HIF1AN: variants seen among roughly 807,000 people sequenced by gnomAD.
HIF1AN encodes hypoxia inducible factor 1 subunit alpha inhibitor, also known as hypoxia-inducible factor 1-alpha inhibitor.
HIF1AN carries 21 observed loss-of-function variants against 47.7 expected under a neutral mutation model. The observed-to-expected ratio is 0.44, with a 90% CI of 0.31 to 0.63. The LOEUF is 0.63. HIF1AN is among the 30% of genes least tolerant of loss of function. The pLI is 0.07. For synonymous variants in HIF1AN, 152 were observed against 155.9 expected (o/e 0.98, Z 0.18); for missense variants, 320 against 432.7 (o/e 0.74, Z 2.31).
At position 100,545,792 on chromosome 10, in the gene HIF1AN, C is replaced by T. The variant is rs1039382933; in HGVS notation, c.724-151C>T. The stretch of plus-strand genomic sequence containing the variant: ...TCTCAGGGTTTAATGTGCATTATAT[C>T]TTCTGCTGGATATAAATTCCAAATA... On this transcript the variant is annotated intron_variant, in intron 4 of 7. Transcript: ENST00000299163. 6 of 619,164 alleles carry T rather than the reference C, an allele frequency of 9.7e-6. No individual in the cohort carries two copies. In the Admixed American group the frequency reaches 1.4e-4, roughly 15 times the overall value. 38.4% of individuals were successfully genotyped at this position (619,164 alleles called of 1,614,324 possible). A position where few individuals can be genotyped will look rare whatever the true frequency, so the allele number is the denominator to read the frequency against.
At chr10:100,536,304 A>G (rs2295779) in intron 1 of HIF1AN, 107 bp from the exon 2 acceptor site, 303,351 of 1,414,210 alleles carry the variant, frequency 0.21, 33,500 homozygotes, top group South Asian at 0.23. Context: ...GCTGATTAAC[A>G]GGAGAAATTA....
At chr10:100,539,141 A>G (rs1415230195) in intron 2 of HIF1AN, among the ~76,000 whole-genome samples, 1 of 152,138 alleles carries the variant, frequency 6.6e-6, no homozygotes, top group African/African-American at 2.4e-5. Context: ...CATGTTGCCC[A>G]GGCTGGTCTC....
chr10:100,550,319 T>A lies in HIF1AN; in HGVS notation c.*2182T>A, dbSNP rs1453660357. The stretch of plus-strand genomic sequence containing the variant: ...TGGGTAACACAAGAGTGATTCCTGA[T>A]TTTTAGACACCTAATATGTGCCTAG... On this transcript the variant is annotated 3_prime_UTR_variant, in exon 8 of 8. Transcript: ENST00000299163. 1 of 152,322 alleles carries A rather than the reference T, an allele frequency of 6.6e-6. No homozygotes were observed. Among genetic ancestry groups the A allele is most frequent in the East Asian group, 1.9e-4 (1 of 5,184 alleles). The allele number at this position is 152,322 out of a possible 1,614,324, so 9.4% of individuals were successfully genotyped here. A position where few individuals can be genotyped will look rare whatever the true frequency, so the allele number is the denominator to read the frequency against.
At position 100,550,997 on chromosome 10, in the gene HIF1AN, T is replaced by C. The variant is rs1843152738; in HGVS notation, c.*2860T>C. 1 of 152,280 alleles carries C rather than the reference T, an allele frequency of 6.6e-6. No homozygotes were observed. Among genetic ancestry groups the C allele is most frequent in the Non-Finnish European group, 1.5e-5 (1 of 68,070 alleles). The allele number at this position is 152,280 out of a possible 1,614,324, so 9.4% of individuals were successfully genotyped here. ...TAGCTGGCAGTGTGGGACACACACA[T>C]ACAGCAAGTGAAGGTGGGGGTTTGG... On this transcript the variant is annotated 3_prime_UTR_variant, in exon 8 of 8. Coordinates refer to ENST00000299163, the MANE Select transcript of HIF1AN (RefSeq NM_017902.3).
Position 100,536,536 on chromosome 10 carries a change from G to A in HIF1AN, c.303G>A (p.Leu101=). Residue 101 remains leucine, a synonymous_variant, in exon 2 of 8, where the codon TTG becomes TTA. Coordinates refer to ENST00000299163, the MANE Select transcript of HIF1AN (RefSeq NM_017902.3). ...ACAGTGCCAGCACCCACAAGTTCTT[G>A]TACTATGATGAGAAGAAGATGGCCA... ...SVYSASTHKF[L]YYDEKKMANF... 6.2e-7 allele frequency: 1 copy of A among 1,614,156 alleles called. No individual in the cohort carries two copies.
At chr10:100,547,301 C>A in intron 7 of HIF1AN, 51 bp downstream of exon 7, 1 of 1,112,100 alleles carries the variant, frequency 9.0e-7, no homozygotes, top group Non-Finnish European at 1.4e-6. Flanking sequence ...CAAGGAAAGT[C>A]AGGATCAGAG....
chr10:100,548,467 C>A lies in HIF1AN; in HGVS notation c.*330C>A. ...TAGTCTGTCAACTTCGGAATGTGTG[C>A]GTGTGTGTGCATGCACACGCATGTA... is the stretch of plus-strand genomic sequence containing the variant. On this transcript the variant is annotated 3_prime_UTR_variant, in exon 8 of 8. Coordinates refer to ENST00000299163, the MANE Select transcript of HIF1AN (RefSeq NM_017902.3). 1 of 287,156 alleles carries A rather than the reference C, an allele frequency of 3.5e-6. No homozygotes were observed. The highest frequency in any genetic ancestry group is 8.8e-5 in the South Asian group (1 of 11,356). 17.8% of individuals were successfully genotyped at this position (287,156 alleles called of 1,614,324 possible). A position where few individuals can be genotyped will look rare whatever the true frequency, so the allele number is the denominator to read the frequency against.
chr10:100,544,697 G>A lies in HIF1AN; in HGVS notation c.578-254G>A, dbSNP rs17113201. Reference sequence around the variant, plus strand: ...GCTCTTGCTTCCAGTAAGGGCAGCAGCCTTCATTTAGGGAAGTTGACTTAG... The same window carrying A: ...GCTCTTGCTTCCAGTAAGGGCAGCAACCTTCATTTAGGGAAGTTGACTTAG... On this transcript the variant is annotated intron_variant, in intron 3 of 7. Coordinates refer to ENST00000299163, the MANE Select transcript of HIF1AN (RefSeq NM_017902.3). Among the ~76,000 whole-genome samples the A allele has an allele frequency of 6.6e-3, 1,003 of 152,320 alleles. 12 individuals are homozygous for A. The highest frequency in any genetic ancestry group is 0.022 in the African/African-American group (933 of 41,556).
At position 100,559,259 on chromosome 10, in the gene HIF1AN, A is replaced by G. The variant is rs1238065249; in HGVS notation, c.*11122A>G. On this transcript the variant is annotated 3_prime_UTR_variant, in exon 8 of 8. Transcript: ENST00000299163. ...GTACTTAAGGAAATCAAATACATTAATCATATAAATGCCATTTAAGTGTTT... is the reference window on the plus strand; with the variant it reads ...GTACTTAAGGAAATCAAATACATTAGTCATATAAATGCCATTTAAGTGTTT... 2 of 152,220 alleles carry G rather than the reference A, an allele frequency of 1.3e-5. No individual in the cohort carries two copies. Among genetic ancestry groups the G allele is most frequent in the East Asian group, 1.9e-4 (1 of 5,202 alleles). The allele number at this position is 152,220 out of a possible 1,614,324, so 9.4% of individuals were successfully genotyped here. A position where few individuals can be genotyped will look rare whatever the true frequency, so the allele number is the denominator to read the frequency against.
chr10:100,541,677 T>C (rs1843035101), intron 3 of HIF1AN, among the ~76,000 whole-genome samples: 1 of 152,188 alleles, frequency 6.6e-6, no homozygotes, highest in Non-Finnish European at 1.5e-5. Context: ...TGTCGAGTCT[T>C]TAAGCTAGTT....
chr10:100,540,656 A>G lies in HIF1AN; in HGVS notation c.451A>G (p.Asn151Asp). The G allele has an allele frequency of 1.2e-6, 2 of 1,613,920 alleles. No individual in the cohort carries two copies. The highest frequency in any genetic ancestry group is 1.7e-6 in the Non-Finnish European group (2 of 1,179,954). Residue 151 changes from asparagine (N) to aspartate (D), a missense_variant, in exon 3 of 8, where the codon AAT becomes GAT. Asn to Asp is a conservative substitution (Grantham distance 23). Coordinates refer to ENST00000299163, the MANE Select transcript of HIF1AN (RefSeq NM_017902.3). ...TAGGTTGTATCTGCAGCAAACGCTCAATGACACTGTGGGCAGGAAGATTGT... is the reference window on the plus strand; with the variant it reads ...TAGGTTGTATCTGCAGCAAACGCTCGATGACACTGTGGGCAGGAAGATTGT... ...EERLYLQQTL[N>D]DTVGRKIVMD...
intron 3 of HIF1AN, among the ~76,000 whole-genome samples, chr10:100,541,208 ACT>A (rs1843024643): frequency 6.6e-6 from 1 of 151,016 alleles, no homozygotes; most frequent in South Asian, 2.1e-4. Flanking sequence ...ACAGAGCAAG[ACT>A]CTGTCTCAAA....
At chr10:100,538,912 T>C (rs1842989416) in intron 2 of HIF1AN, among the ~76,000 whole-genome samples, 1 of 149,294 alleles carries the variant, frequency 6.7e-6, no homozygotes, top group Non-Finnish European at 1.5e-5. Context: ...TTTCTTTTTT[T>C]TTTTTTTTTT....
rs1306727224 is a variant in HIF1AN at position 100,557,632 on chromosome 10, T to TG, written c.*9499dup. On this transcript the variant is annotated 3_prime_UTR_variant, in exon 8 of 8. Coordinates refer to ENST00000299163, the MANE Select transcript of HIF1AN (RefSeq NM_017902.3). Reference sequence around the variant, plus strand: ...GCTAATTTTGTATTTTTAGTAGAGATGGGGTTTCTCCATGTTGGTCAGGCT... The same window carrying TG: ...GCTAATTTTGTATTTTTAGTAGAGATGGGGGTTTCTCCATGTTGGTCAGGCT... 5.3e-5 allele frequency: 8 copies of TG among 152,088 alleles called. No homozygotes were observed. Among genetic ancestry groups the TG allele is most frequent in the African/African-American group, 1.4e-4 (6 of 41,396 alleles). 9.4% of individuals were successfully genotyped at this position (152,088 alleles called of 1,614,324 possible). A position where few individuals can be genotyped will look rare whatever the true frequency, so the allele number is the denominator to read the frequency against.
Position 100,548,199 on chromosome 10 carries a change from TGAG to T in HIF1AN, c.*65_*67del. The T allele has an allele frequency of 4.8e-6, 7 of 1,445,184 alleles. No individual in the cohort carries two copies. The highest frequency in any genetic ancestry group is 1.3e-5 in the South Asian group (1 of 77,752). The allele number at this position is 1,445,184 out of a possible 1,614,324, so 89.5% of individuals were successfully genotyped here. On this transcript the variant is annotated 3_prime_UTR_variant, in exon 8 of 8. Coordinates refer to ENST00000299163, the MANE Select transcript of HIF1AN (RefSeq NM_017902.3). ...TATCCCGTCCACACCGCTTCATTGA[TGAG>T]GACAGGAGACTCCAAGCGCTAGTAT... is the stretch of plus-strand genomic sequence containing the variant.
intron 1 of HIF1AN, 55 bp from the exon 2 acceptor site, chr10:100,536,356 A>C: frequency 1.3e-6 from 2 of 1,596,082 alleles, no homozygotes; most frequent in Non-Finnish European, 8.5e-7. Flanking sequence ...AGGCCAACCC[A>C]CCGGCTCCTT....
At chr10:100,537,517 G>A (rs1852239270) in intron 2 of HIF1AN, among the ~76,000 whole-genome samples, 2 of 152,258 alleles carry the variant, frequency 1.3e-5, no homozygotes, top group South Asian at 4.2e-4. Flanking sequence ...TCTAGCTTAG[G>A]GAAGATCAGA....
At position 100,548,126 on chromosome 10, in the gene HIF1AN, C is replaced by T. The variant is rs1440667756; in HGVS notation, c.1039C>T (p.Arg347Ter). The change falls in exon 8 of 8, where the codon CGA becomes TGA. Residue 347 changes from arginine to a stop codon, truncating the protein, a stop_gained. Transcript: ENST00000299163. LOFTEE classifies it high-confidence loss of function. The part of the protein sequence containing the change: ...GPLLNTMIKG[R>*]YN ...CTTGTTGAACACAATGATCAAGGGC[C>T]GATACAACTAGCCTGCCAGGGGTCA... 1.9e-6 allele frequency: 3 copies of T among 1,610,874 alleles called. No homozygotes were observed. The highest frequency in any genetic ancestry group is 2.5e-6 in the Non-Finnish European group (3 of 1,178,460).
At chr10:100,547,444 C>G (rs988805863) in intron 7 of HIF1AN, among the ~76,000 whole-genome samples, 194 bp downstream of exon 7, 2 of 152,230 alleles carry the variant, frequency 1.3e-5, no homozygotes, top group Non-Finnish European at 2.9e-5. Context: ...ATAATTAGTT[C>G]CATGCTAGTA....
Sources: gnomAD v4.1 joint callset for allele counts (sites outside exome capture counted in the v4.1 genomes callset) on GRCh38, gnomAD v4.1.1 for gene constraint, MANE v1.5 for transcripts, NCBI Gene and HGNC (gene_info 2026-07-23, HGNC 2026-07-21) for gene names.